The following ASCC2 variants were observed in gnomAD, a reference collection of about 807,000 sequenced individuals.
ASCC2 encodes activating signal cointegrator 1 complex subunit 2.
Under a neutral mutation model 93.5 loss-of-function variants are expected in ASCC2, and 42 were observed. The observed-to-expected ratio is 0.45, with a 90% confidence interval of 0.35 to 0.58. The LOEUF (loss-of-function observed/expected upper bound fraction) is 0.58, where lower values mean the gene tolerates loss of function less well. Among genes scored for constraint, ASCC2 ranks in the 20% least tolerant of loss-of-function variants. ASCC2 has a pLI of 0.00. For missense variants in ASCC2, 859 were observed against 977.6 expected (o/e 0.88, Z 1.62); for synonymous variants, 364 against 384.2 (o/e 0.95, Z 0.62).
At position 29,821,755 on chromosome 22, in the gene ASCC2, G is replaced by A. The variant is rs146575350; in HGVS notation, c.541+580C>T. 1.3e-4 allele frequency: 41 copies of A among 312,790 alleles called. 1 individual carries two copies. Among genetic ancestry groups the A allele is most frequent in the African/African-American group, 8.8e-4 (39 of 44,308 alleles). 19.4% of individuals were successfully genotyped at this position (312,790 alleles called of 1,614,324 possible). Reference sequence around the variant, plus strand: ...TTACACTGTAATCTCAGCTGTTCAGGAAGCTAAAGCAGGAGGATGACTTGA... The same window carrying A: ...TTACACTGTAATCTCAGCTGTTCAGAAAGCTAAAGCAGGAGGATGACTTGA... On this transcript the variant is annotated intron_variant, in intron 5 of 19. Coordinates refer to ENST00000307790, the MANE Select transcript of ASCC2 (RefSeq NM_032204.5).
Position 29,808,188 on chromosome 22 carries a change from G to A in ASCC2, c.834-3C>T. The A allele has an allele frequency of 6.2e-7, 1 of 1,614,148 alleles. No individual in the cohort carries two copies. Among genetic ancestry groups the A allele is most frequent in the Non-Finnish European group, 8.5e-7 (1 of 1,179,964 alleles). On this transcript the variant is annotated splice_region_variant and splice_polypyrimidine_tract_variant and intron_variant, in intron 8 of 19. Coordinates refer to ENST00000307790, the MANE Select transcript of ASCC2 (RefSeq NM_032204.5). ...CTGCTTCGTAGAAGGAAGCTAGTCT[G>A]TGCAGGCACACACAGGGAAAATGTT...
At chr22:29,794,067 T>C (rs566876222) in intron 15 of ASCC2, among the ~76,000 whole-genome samples, 1 of 151,996 alleles carries the variant, frequency 6.6e-6, no homozygotes, top group East Asian at 2.0e-4. Flanking sequence ...GTATTTTTAT[T>C]AGAGATGGAG....
At position 29,793,410 on chromosome 22, in the gene ASCC2, G is replaced by A; in HGVS notation, c.1869C>T (p.Asn623=). 7 of 1,614,046 alleles carry A rather than the reference G, an allele frequency of 4.3e-6. No homozygotes were observed. Among genetic ancestry groups the A allele is most frequent in the Non-Finnish European group, 5.9e-6 (7 of 1,180,034 alleles). ...EDEYDDTYDG[N]QVGANDADSD... ...AGTCTGCATCATTGGCGCCCACCTG[G>A]TTGCCATCGTATGTGTCATCGTACT... is the stretch of plus-strand genomic sequence containing the variant. Residue 623 remains asparagine (N), a synonymous_variant, in exon 17 of 20, where the codon AAC becomes AAT. Transcript: ENST00000307790.
intron 2 of ASCC2, among the ~76,000 whole-genome samples, chr22:29,829,732 G>A (rs141150427): frequency 0.011 from 1,698 of 152,008 alleles, 28 homozygotes; most frequent in African/African-American, 0.037. Context: ...CATGTTGCCC[G>A]AGCTGGTCTT....
In ASCC2 at chr22:29,788,738, C is replaced by T; in HGVS notation, c.*275G>A. On this transcript the variant is annotated 3_prime_UTR_variant, in exon 20 of 20. Transcript: ENST00000307790. ...GGTTTGGGGCGCTTGCCTTGGGACT[C>T]CATCCCCATCTCTTTCCCGCTAGCG... 2.1e-6 allele frequency: 1 copy of T among 487,366 alleles called. No individual in the cohort carries two copies. Among genetic ancestry groups the T allele is most frequent in the Non-Finnish European group, 3.7e-6 (1 of 268,918 alleles). The allele number at this position is 487,366 out of a possible 1,614,324, so 30.2% of individuals were successfully genotyped here. A position where few individuals can be genotyped will look rare whatever the true frequency, so the allele number is the denominator to read the frequency against.
intron 2 of ASCC2, among the ~76,000 whole-genome samples, chr22:29,830,329 G>A (rs190729285): frequency 6.6e-6 from 1 of 152,316 alleles, no homozygotes; most frequent in East Asian, 1.9e-4. Context: ...ATTCAAATAT[G>A]TGTGAAATGA....
At chr22:29,829,866 T>C (rs770169313) in intron 2 of ASCC2, among the ~76,000 whole-genome samples, 1 of 152,118 alleles carries the variant, frequency 6.6e-6, no homozygotes, top group Non-Finnish European at 1.5e-5. Context: ...GCTATTCAAA[T>C]AGATCCTCAA....
At chr22:29,798,045 C>T (rs932538771) in intron 15 of ASCC2, among the ~76,000 whole-genome samples, 1 of 152,160 alleles carries the variant, frequency 6.6e-6, no homozygotes, top group African/African-American at 2.4e-5. Flanking sequence ...GGGATTACAG[C>T]CACCACGCCC....
chr22:29,791,662 C>T (rs1275088900), intron 18 of ASCC2, among the ~76,000 whole-genome samples: 2 of 152,160 alleles, frequency 1.3e-5, no homozygotes, highest in Admixed American at 1.3e-4. Flanking sequence ...GCCTGGATGA[C>T]GAGAGTGGGA....
intron 1 of ASCC2, 199 bp from the exon 2 acceptor site, chr22:29,832,541 G>A (rs1330441395): frequency 2.3e-5 from 10 of 439,236 alleles, no homozygotes; most frequent in Non-Finnish European, 4.0e-5. Flanking sequence ...GTTCTCAATT[G>A]TAGAAGAAAT....
intron 4 of ASCC2, 125 bp from the exon 5 acceptor site, chr22:29,822,589 T>C (rs1217994825): frequency 1.8e-6 from 2 of 1,132,082 alleles, no homozygotes; most frequent in Non-Finnish European, 2.5e-6. Context: ...GCCTTATGCA[T>C]AGACCTGGAG....
chr22:29,813,457 G>T lies in ASCC2; in HGVS notation c.806C>A (p.Thr269Asn). 2 of 1,613,896 alleles carry T rather than the reference G, an allele frequency of 1.2e-6. No individual in the cohort carries two copies. The highest frequency in any genetic ancestry group is 1.7e-6 in the Non-Finnish European group (2 of 1,179,726). Reference protein sequence around the residue: ...FLDIFPLACQTFQKHDFCYRL... With the variant: ...FLDIFPLACQNFQKHDFCYRL... ...GTAACAAAAGTCGTGCTTCTGGAAG[G>T]TCTGGCAAGCCAAAGGGAAGATATC... Residue 269 changes from threonine to asparagine, a missense_variant, in exon 8 of 20, where the codon ACC becomes AAC. Transcript: ENST00000307790.
intron 6 of ASCC2, 143 bp downstream of exon 6, chr22:29,815,863 A>T (rs906105899): frequency 2.8e-6 from 2 of 702,354 alleles, no homozygotes; most frequent in Non-Finnish European, 4.8e-6. Context: ...GGGGTAAGAC[A>T]AAGAGACTGT....
chr22:29,791,734 T>A (rs557277670), intron 18 of ASCC2, among the ~76,000 whole-genome samples: 47 of 151,844 alleles, frequency 3.1e-4, no homozygotes, highest in African/African-American at 1.1e-3. Flanking sequence ...AACTGGTAGG[T>A]TTTACATAAA....
chr22:29,823,324 C>T (rs564864721), intron 4 of ASCC2, among the ~76,000 whole-genome samples: 1 of 152,324 alleles, frequency 6.6e-6, no homozygotes, highest in South Asian at 2.1e-4. Flanking sequence ...CAGGCATGAG[C>T]TACCATACCA....
Position 29,811,613 on chromosome 22 carries a change from G to C in ASCC2, c.833+1817C>G, listed in dbSNP as rs140477708. Among the ~76,000 whole-genome samples, 708 of 152,320 alleles carry C rather than the reference G, an allele frequency of 4.6e-3. 2 individuals carry two copies. Among genetic ancestry groups the C allele is most frequent in the Non-Finnish European group, 8.0e-3 (545 of 68,022 alleles). On this transcript the variant is annotated intron_variant, in intron 8 of 19. Transcript: ENST00000307790. ...GTTCCTGGCCTCCAGCACAGTTGGAGGCTGGGTCAGCCCCAGGGTGTTCGT... is the reference window on the plus strand; with the variant it reads ...GTTCCTGGCCTCCAGCACAGTTGGACGCTGGGTCAGCCCCAGGGTGTTCGT...
chr22:29,801,889 G>C (rs989924821), intron 14 of ASCC2, 105 bp downstream of exon 14: 2 of 980,750 alleles, frequency 2.0e-6, no homozygotes, highest in Admixed American at 2.4e-5. Flanking sequence ...TGGGAAGAGA[G>C]AACAAGCTGA....
At chr22:29,812,890 T>G (rs2060435560) in intron 8 of ASCC2, among the ~76,000 whole-genome samples, 1 of 151,760 alleles carries the variant, frequency 6.6e-6, no homozygotes, top group African/African-American at 2.4e-5. Context: ...TTGTGCGTTT[T>G]TTTTTTTTTT....
At chr22:29,790,662 G>T in intron 18 of ASCC2, 114 bp from the exon 19 acceptor site, 2 of 1,096,338 alleles carry the variant, frequency 1.8e-6, no homozygotes, top group East Asian at 2.5e-5. Context: ...AGGTGTGGGG[G>T]GAAGCTGCAG....
Sources: gnomAD v4.1 joint callset for allele counts (sites outside exome capture counted in the v4.1 genomes callset) on GRCh38, gnomAD v4.1.1 for gene constraint, MANE v1.5 for transcripts, NCBI Gene and HGNC (gene_info 2026-07-23, HGNC 2026-07-21) for gene names.